The following NECTIN3 variants were observed in gnomAD, a reference collection of about 807,000 sequenced individuals.
The protein encoded by NECTIN3 is nectin-3.
A neutral mutation model predicts 49.4 loss-of-function variants in NECTIN3; 8 were observed. That is an observed-to-expected ratio of 0.16 (90% CI 0.10 to 0.29). NECTIN3 has a LOEUF of 0.29. NECTIN3 is among the 10% of genes least tolerant of loss of function. NECTIN3 has a pLI of 1.00. For missense variants in NECTIN3, 581 were observed against 654.6 expected (o/e 0.89, Z 1.23); for synonymous variants, 277 against 241.1 (o/e 1.15, Z -1.38).
chr3:111,125,008 ATCT>A (rs2034101562), intron 4 of NECTIN3, among the ~76,000 whole-genome samples: 1 of 146,420 alleles, frequency 6.8e-6, no homozygotes, highest in Non-Finnish European at 1.5e-5. Flanking sequence ...TGACTTTTTA[ATCT>A]TCTTTTCTTT....
rs139006091 is a variant in NECTIN3, at chr3:111,178,685, C to G, written c.1222-13666C>G. 6.6e-5 allele frequency among the ~76,000 whole-genome samples: 10 copies of G among 152,328 alleles called. No homozygotes were observed. The East Asian group carries it at 1.9e-3, about 29-fold the overall frequency. ...AGTCTTGAGCATCACTGGTCTTTCT[C>G]CTCACTTATATGCCATCTGCCCTCT... On this transcript the variant is annotated intron_variant, in intron 7 of 8. Transcript: ENST00000493615.
intron 1 of NECTIN3, among the ~76,000 whole-genome samples, chr3:111,085,054 A>T (rs1394296357): frequency 2.0e-5 from 3 of 152,188 alleles, no homozygotes; most frequent in Non-Finnish European, 4.4e-5. Flanking sequence ...TTCTTGGCCT[A>T]CTGCTGCATT....
At chr3:111,080,823 A>G (rs934378578) in intron 1 of NECTIN3, among the ~76,000 whole-genome samples, 3 of 152,198 alleles carry the variant, frequency 2.0e-5, no homozygotes, top group Admixed American at 1.3e-4. Flanking sequence ...CATTAATACG[A>G]TTAATGGCAT....
chr3:111,086,092 C>G (rs1576076869), intron 1 of NECTIN3, among the ~76,000 whole-genome samples: 1 of 152,098 alleles, frequency 6.6e-6, no homozygotes, highest in East Asian at 1.9e-4. Context: ...TGAATATCCT[C>G]TTTTGTGAAG....
intron 7 of NECTIN3, among the ~76,000 whole-genome samples, chr3:111,152,473 T>A (rs2035020130): frequency 6.6e-6 from 1 of 151,914 alleles, no homozygotes; most frequent in African/African-American, 2.4e-5. Flanking sequence ...TTGCAATCTT[T>A]TGGTGGGTTT....
At chr3:111,166,913 ATAGGTAGGTAGG>A (rs367945964) in intron 7 of NECTIN3, among the ~76,000 whole-genome samples, 2 of 152,184 alleles carry the variant, frequency 1.3e-5, no homozygotes, top group African/African-American at 4.8e-5. Context: ...TTTAATAAAG[ATAGGTAGGTAGG>A]TAGGTAGGTA....
intron 1 of NECTIN3, among the ~76,000 whole-genome samples, chr3:111,073,802 A>G (rs1202085570): frequency 6.6e-6 from 1 of 152,242 alleles, no homozygotes; most frequent in Non-Finnish European, 1.5e-5. Context: ...GCCAGGTAAT[A>G]TGCATAGCTG....
At chr3:111,086,166 A>G (rs562577816) in intron 1 of NECTIN3, among the ~76,000 whole-genome samples, 21 of 152,032 alleles carry the variant, frequency 1.4e-4, no homozygotes, top group Non-Finnish European at 2.6e-4. Context: ...ATGGGTTCCT[A>G]GGAATTGTTT....
In NECTIN3 at chr3:111,135,222, T is replaced by G; in HGVS notation, c.*1007T>G. 1 of 974,436 alleles carries G rather than the reference T, an allele frequency of 1.0e-6. No individual in the cohort carries two copies. Among genetic ancestry groups the G allele is most frequent in the Non-Finnish European group, 1.2e-6 (1 of 820,152 alleles). 60.4% of individuals were successfully genotyped at this position (974,436 alleles called of 1,614,324 possible). Reference sequence around the variant, plus strand: ...TGGGTAAATGTACAGAAAGAAAATTTTAGAGTAAACTTGGAACTTTGGATA... The same window carrying G: ...TGGGTAAATGTACAGAAAGAAAATTGTAGAGTAAACTTGGAACTTTGGATA... On this transcript the variant is annotated 3_prime_UTR_variant, in exon 6 of 6. Transcript: ENST00000485303.
Position 111,071,870 on chromosome 3 carries a change from C to A in NECTIN3, c.-148C>A. 1 of 472,464 alleles carries A rather than the reference C, an allele frequency of 2.1e-6. No individual in the cohort carries two copies. The allele number at this position is 472,464 out of a possible 1,614,324, so 29.3% of individuals were successfully genotyped here. On this transcript the variant is annotated 5_prime_UTR_variant, in exon 1 of 6. Transcript: ENST00000485303. ...TGTCGAGGCAGCCGCCAGCGTTCGG[C>A]CAAGTGTCAGCCGGCAGCGACGGCG...
chr3:111,123,998 G>A (rs1305196333), intron 4 of NECTIN3, among the ~76,000 whole-genome samples: 2 of 151,926 alleles, frequency 1.3e-5, no homozygotes, highest in Non-Finnish European at 2.9e-5. Flanking sequence ...TCTCCTCTAG[G>A]GTTTTTAATA....
chr3:111,183,483 T>A (rs1331866480), intron 7 of NECTIN3, among the ~76,000 whole-genome samples: 1 of 152,134 alleles, frequency 6.6e-6, no homozygotes, highest in Non-Finnish European at 1.5e-5. Context: ...GGCTAATTTT[T>A]TTGTATTTTT....
intron 7 of NECTIN3, among the ~76,000 whole-genome samples, chr3:111,167,475 G>A (rs1466368692): frequency 6.6e-6 from 1 of 152,108 alleles, no homozygotes; most frequent in African/African-American, 2.4e-5. Flanking sequence ...GATGAAGTGA[G>A]TTCCTCTTAA....
At chr3:111,191,503 AG>A (rs1335147285), upstream of NECTIN3, among the ~76,000 whole-genome samples, 10 of 150,998 alleles carry the variant, frequency 6.6e-5, no homozygotes, top group Admixed American at 6.6e-4. Context: ...TGAAGTCTGA[AG>A]GGTAAGTCAT....
At chr3:111,160,632 A>G (rs2035191926) in intron 7 of NECTIN3, among the ~76,000 whole-genome samples, 1 of 151,966 alleles carries the variant, frequency 6.6e-6, no homozygotes. Context: ...TCTTTTTGCA[A>G]CCAAAGTGAT....
In NECTIN3 at chr3:111,098,254, C is replaced by A. The variant is rs147743788; in HGVS notation, c.161-13776C>A. Among the ~76,000 whole-genome samples, 462 of 152,208 alleles carry A rather than the reference C, an allele frequency of 3.0e-3. 3 individuals carry two copies. Among genetic ancestry groups the A allele is most frequent in the African/African-American group, 0.01 (425 of 41,532 alleles). ...CACTACTGTTGTTCTGGGTATCATG[C>A]CAAATTTAGTGCAATACTCTCTTAT... On this transcript the variant is annotated intron_variant, in intron 1 of 5. Coordinates refer to ENST00000485303, the MANE Select transcript of NECTIN3 (RefSeq NM_015480.3).
downstream of NECTIN3, among the ~76,000 whole-genome samples, chr3:111,138,384 CTT>C (rs1266943537): frequency 2.0e-5 from 3 of 151,468 alleles, no homozygotes; most frequent in Non-Finnish European, 4.4e-5. Context: ...AGTAAACCAA[CTT>C]TCATCTGTTT....
intron 3 of NECTIN3, among the ~76,000 whole-genome samples, chr3:111,121,607 A>G (rs1031450208): frequency 2.0e-4 from 30 of 152,272 alleles, no homozygotes; most frequent in African/African-American, 7.0e-4. Context: ...ACATGCCCCC[A>G]ATATATTAAT....
In NECTIN3 at chr3:111,071,940, C is replaced by T. The variant is rs1394906420; in HGVS notation, c.-78C>T. The T allele has an allele frequency of 3.0e-5, 33 of 1,102,374 alleles. No homozygotes were observed. Among genetic ancestry groups the T allele is most frequent in the Admixed American group, 1.6e-4 (4 of 24,364 alleles). 68.3% of individuals were successfully genotyped at this position (1,102,374 alleles called of 1,614,324 possible). A position where few individuals can be genotyped will look rare whatever the true frequency, so the allele number is the denominator to read the frequency against. On this transcript the variant is annotated 5_prime_UTR_variant, in exon 1 of 6. Transcript: ENST00000485303. ...ACGCGCGCGCCGGACCTTCCACAGC[C>T]TCCGCCCAGAGCCTGAGGCGCCGGG...
Sources: gnomAD v4.1 joint callset for allele counts (sites outside exome capture counted in the v4.1 genomes callset) on GRCh38, gnomAD v4.1.1 for gene constraint, MANE v1.5 for transcripts, NCBI Gene and HGNC (gene_info 2026-07-23, HGNC 2026-07-21) for gene names.